Variants in ADCY1 observed in about 807,000 individuals in gnomAD.
ADCY1 encodes adenylate cyclase 1, also known as adenylate cyclase type 1.
Under a neutral mutation model 105.4 loss-of-function variants are expected in ADCY1, and 28 were observed. That is an observed-to-expected ratio of 0.27 (90% CI 0.20 to 0.36). The LOEUF (loss-of-function observed/expected upper bound fraction) is 0.36, where lower values mean the gene tolerates loss of function less well. Ranked by LOEUF, ADCY1 falls within the 10% of genes least tolerant of loss-of-function variation. The pLI, the probability that ADCY1 is intolerant of heterozygous loss-of-function variation, is 1.00. For synonymous variants in ADCY1, 655 were observed against 623.8 expected (o/e 1.05, Z -0.75); for missense variants, 977 against 1,434.2 (o/e 0.68, Z 5.15).
At chr7:45,650,224 A>C (rs1290390359) in intron 5 of ADCY1, among the ~76,000 whole-genome samples, 1 of 152,214 alleles carries the variant, frequency 6.6e-6, no homozygotes, top group Non-Finnish European at 1.5e-5. Context: ...TATATCACAT[A>C]TCACATAATC....
chr7:45,604,265 G>A (rs1463289402), intron 2 of ADCY1, among the ~76,000 whole-genome samples: 2 of 152,078 alleles, frequency 1.3e-5, no homozygotes, highest in African/African-American at 2.4e-5. Context: ...TACTTTTTGG[G>A]ATATTTTGTT....
chr7:45,710,461 G>C lies in ADCY1; in HGVS notation c.2933-67G>C. On this transcript the variant is annotated intron_variant, in intron 18 of 19. Coordinates refer to ENST00000297323, the MANE Select transcript of ADCY1 (RefSeq NM_021116.4). This position sits in a 1 kb window ranked among gnomAD's most constrained non-coding sequence, Gnocchi z 4.7. ...ACCAGGAGCAGCATCAGGTGCATTT[G>C]GTGGCCCTGGTGGGGTGAGTTACAC... is the stretch of plus-strand genomic sequence containing the variant. The C allele has an allele frequency of 6.4e-7, 1 of 1,571,654 alleles. No homozygotes were observed. The highest frequency in any genetic ancestry group is 1.2e-5 in the South Asian group (1 of 84,234).
chr7:45,589,791 GT>G (rs201038858), intron 1 of ADCY1, among the ~76,000 whole-genome samples: 9 of 149,220 alleles, frequency 6.0e-5, no homozygotes, highest in South Asian at 2.1e-4. Flanking sequence ...TCCACCGTGG[GT>G]TTTTTTTTTG....
intron 3 of ADCY1, among the ~76,000 whole-genome samples, chr7:45,616,370 GA>G (rs1006938441): frequency 6.6e-6 from 1 of 152,118 alleles, no homozygotes; most frequent in African/African-American, 2.4e-5. Flanking sequence ...TACAAAAAAA[GA>G]AATTATGGGC....
chr7:45,662,912 A>G (rs567375243), intron 8 of ADCY1, among the ~76,000 whole-genome samples: 356 of 152,206 alleles, frequency 2.3e-3, no homozygotes, highest in Admixed American at 3.9e-3. Flanking sequence ...CTTCATCACC[A>G]TCTGCCCCCC....
At chr7:45,609,034 T>C (rs1793456320) in intron 2 of ADCY1, among the ~76,000 whole-genome samples, 1 of 152,236 alleles carries the variant, frequency 6.6e-6, no homozygotes, top group African/African-American at 2.4e-5. Flanking sequence ...CAGGGGAAAC[T>C]TCAAGTGTGC....
intron 4 of ADCY1, among the ~76,000 whole-genome samples, chr7:45,634,513 T>G (rs1233912958): frequency 6.6e-6 from 1 of 152,144 alleles, no homozygotes; most frequent in African/African-American, 2.4e-5. Context: ...GTTTTTCTTT[T>G]TAGTCTGCTC....
intron 3 of ADCY1, among the ~76,000 whole-genome samples, chr7:45,612,406 G>T (rs1793616293): frequency 6.6e-6 from 1 of 152,196 alleles, no homozygotes; most frequent in Admixed American, 6.5e-5. Context: ...GCTGGGACAG[G>T]AACTGGGATT....
At chr7:45,653,936 A>G (rs946917246) in intron 5 of ADCY1, among the ~76,000 whole-genome samples, 2 of 152,110 alleles carry the variant, frequency 1.3e-5, no homozygotes, top group Admixed American at 6.5e-5. Flanking sequence ...GATTTCAGGA[A>G]CCTGCTAGAT....
At chr7:45,648,901 C>T (rs1201400698) in intron 5 of ADCY1, 104 bp downstream of exon 5, 2 of 1,419,016 alleles carry the variant, frequency 1.4e-6, no homozygotes, top group East Asian at 4.7e-5. Context: ...CTCTCAGGGT[C>T]TCGCTTTGTC....
chr7:45,624,437 T>C (rs962564132), intron 4 of ADCY1, among the ~76,000 whole-genome samples: 2 of 152,094 alleles, frequency 1.3e-5, no homozygotes, highest in Non-Finnish European at 2.9e-5. Flanking sequence ...GATCCAGTTG[T>C]AAAGTCACTG....
rs531137803 is a variant in ADCY1 at position 45,708,837 on chromosome 7, C to T, written c.2932+373C>T. Reference sequence around the variant, plus strand: ...TGGGCTGTCCAGAAGGAGGCCTTGACGGGAGCCCCACTGTGCGGACTCCAG... The same window carrying T: ...TGGGCTGTCCAGAAGGAGGCCTTGATGGGAGCCCCACTGTGCGGACTCCAG... On this transcript the variant is annotated intron_variant, in intron 18 of 19. Transcript: ENST00000297323. The surrounding 1 kb of genome is among the most constrained non-coding windows in gnomAD (Gnocchi z 4.7). 9.5e-4 allele frequency among the ~76,000 whole-genome samples: 145 copies of T among 152,346 alleles called. No individual in the cohort carries two copies. The highest frequency in any genetic ancestry group is 1.4e-3 in the Admixed American group (22 of 15,308).
intron 1 of ADCY1, among the ~76,000 whole-genome samples, chr7:45,581,842 TAAACACACAC>T (rs1471859834): frequency 6.6e-6 from 1 of 151,810 alleles, no homozygotes; most frequent in African/African-American, 2.4e-5. Context: ...TACACACACA[TAAACACACAC>T]ACATACATGC....
At position 45,596,259 on chromosome 7, in the gene ADCY1, C is replaced by T. The variant is rs557034120; in HGVS notation, c.789+3351C>T. Among the ~76,000 whole-genome samples the T allele has an allele frequency of 6.6e-5, 10 of 152,330 alleles. No individual in the cohort carries two copies. In the South Asian group the frequency reaches 2.1e-3, roughly 32 times the overall value. On this transcript the variant is annotated intron_variant, in intron 2 of 19. Transcript: ENST00000297323. Reference sequence around the variant, plus strand: ...TTCATGACACATTTCCATTCAGCACCTGTTCCCAGAGCCTTCTCCAGCCAC... The same window carrying T: ...TTCATGACACATTTCCATTCAGCACTTGTTCCCAGAGCCTTCTCCAGCCAC...
rs955710900 is a variant in ADCY1 at position 45,593,616 on chromosome 7, C to T, written c.789+708C>T. Among the ~76,000 whole-genome samples the T allele has an allele frequency of 2.6e-5, 4 of 152,328 alleles. No individual in the cohort carries two copies. In the South Asian group the frequency reaches 8.3e-4, roughly 32 times the overall value. ...CCCTTGGGATAAGCCTGGCACATTC[C>T]AGGTGCCTTCACTGGAAGGATCTAG... is the stretch of plus-strand genomic sequence containing the variant. On this transcript the variant is annotated intron_variant, in intron 2 of 19. Coordinates refer to ENST00000297323, the MANE Select transcript of ADCY1 (RefSeq NM_021116.4).
chr7:45,699,118 G>A (rs1784938955), intron 14 of ADCY1, among the ~76,000 whole-genome samples: 1 of 152,238 alleles, frequency 6.6e-6, no homozygotes, highest in Non-Finnish European at 1.5e-5. Flanking sequence ...AGAAGCCTTA[G>A]CCAGCTTGCT....
At chr7:45,705,126 G>A (rs1221968111) in intron 17 of ADCY1, among the ~76,000 whole-genome samples, 1 of 152,072 alleles carries the variant, frequency 6.6e-6, no homozygotes, top group African/African-American at 2.4e-5. Flanking sequence ...ACATACACTG[G>A]TGAATTCTAC....
chr7:45,679,374 G>A (rs1584326492), intron 10 of ADCY1, among the ~76,000 whole-genome samples: 2 of 152,326 alleles, frequency 1.3e-5, no homozygotes, highest in Admixed American at 1.3e-4. Flanking sequence ...CAAAGTCTGG[G>A]AAACTCTTGT....
intron 19 of ADCY1, among the ~76,000 whole-genome samples, chr7:45,711,918 A>ATTTATATATTATATTAAATATAAATATAT (rs563184285): frequency 2.7e-5 from 3 of 109,760 alleles, no homozygotes; most frequent in Admixed American, 2.2e-4. Context: ...ATATAAATAT[A>ATTTATATATTATATTAAATATAAATATAT]TTATATATTA....
Sources: gnomAD v4.1 joint callset for allele counts (sites outside exome capture counted in the v4.1 genomes callset) on GRCh38, gnomAD v4.1.1 for gene constraint, Gnocchi (gnomAD v3.1) non-coding constraint, MANE v1.5 for transcripts, NCBI Gene and HGNC (gene_info 2026-07-23, HGNC 2026-07-21) for gene names.